SLIT3: variants seen among roughly 807,000 people sequenced by gnomAD.
The protein encoded by SLIT3 is slit guidance ligand 3.
In SLIT3, 68 loss-of-function variants were observed where a neutral mutation model predicts 184.0. The ratio of observed to expected loss-of-function variants is 0.37; its 90% confidence interval spans 0.30 to 0.45. The LOEUF is 0.45. SLIT3 is among the 20% of genes least tolerant of loss of function. The pLI, the probability that SLIT3 is intolerant of heterozygous loss-of-function variation, is 1.00. For synonymous variants in SLIT3, 831 were observed against 828.6 expected (o/e 1.00, Z -0.05); for missense variants, 1,707 against 2,026.0 (o/e 0.84, Z 3.02).
intron 1 of SLIT3, among the ~76,000 whole-genome samples, chr5:169,289,754 A>T (rs1333854882): frequency 6.6e-6 from 1 of 152,244 alleles, no homozygotes; most frequent in Non-Finnish European, 1.5e-5. Flanking sequence ...TTAAGGCAGG[A>T]GCCAGGAGTA....
chr5:169,193,144 T>A (rs1056952700), intron 4 of SLIT3, among the ~76,000 whole-genome samples: 20 of 152,156 alleles, frequency 1.3e-4, no homozygotes, highest in Non-Finnish European at 7.3e-5. Context: ...TGAATAAACC[T>A]ATCTCAAACC....
At chr5:168,937,617 T>A (rs1762201083) in intron 4 of SLIT3, among the ~76,000 whole-genome samples, 2 of 152,114 alleles carry the variant, frequency 1.3e-5, no homozygotes, top group South Asian at 4.1e-4. Flanking sequence ...TGGCATTCTC[T>A]GAGCCTGTGA....
Position 169,300,452 on chromosome 5 carries a change from TG to T in SLIT3, c.197+60del. ...GAGGGGAAAGGACGGATCTGGCGCC[TG>T]GGGCCCCCTCGGTGGGACCCAGGTG... On this transcript the variant is annotated intron_variant, in intron 1 of 35. Coordinates refer to ENST00000519560, the MANE Select transcript of SLIT3 (RefSeq NM_003062.4). The surrounding 1 kb of genome is among the most constrained non-coding windows in gnomAD (Gnocchi z 4.1). The T allele has an allele frequency of 1.4e-6, 2 of 1,390,886 alleles. No individual in the cohort carries two copies. Among genetic ancestry groups the T allele is most frequent in the Non-Finnish European group, 9.3e-7 (1 of 1,074,816 alleles). The allele number at this position is 1,390,886 out of a possible 1,614,324, so 86.2% of individuals were successfully genotyped here.
At chr5:168,952,310 C>T (rs943681230) in intron 4 of SLIT3, among the ~76,000 whole-genome samples, 6 of 152,078 alleles carry the variant, frequency 3.9e-5, no homozygotes, top group African/African-American at 1.4e-4. Context: ...GAAGCAAGGC[C>T]TCGTTCCTCT....
At chr5:169,110,888 A>G (rs78929162) in intron 4 of SLIT3, among the ~76,000 whole-genome samples, 2,522 of 152,200 alleles carry the variant, frequency 0.017, 37 homozygotes, top group East Asian at 0.035. Context: ...CACCCTCTTA[A>G]TGGAAACCTT....
At chr5:169,121,870 G>T (rs961297120) in intron 4 of SLIT3, among the ~76,000 whole-genome samples, 1 of 152,212 alleles carries the variant, frequency 6.6e-6, no homozygotes, top group Non-Finnish European at 1.5e-5. Context: ...TGCAGGAGCT[G>T]CTGTGAATTC....
At chr5:168,976,401 A>C (rs1283573418) in intron 4 of SLIT3, among the ~76,000 whole-genome samples, 3 of 152,238 alleles carry the variant, frequency 2.0e-5, no homozygotes, top group African/African-American at 7.2e-5. Flanking sequence ...GATGCTATGC[A>C]TACCACTGCC....
chr5:169,026,118 G>A (rs1297233699), intron 4 of SLIT3, among the ~76,000 whole-genome samples: 4 of 152,116 alleles, frequency 2.6e-5, no homozygotes, highest in Admixed American at 2.6e-4. Flanking sequence ...TAAGCTCCTG[G>A]GTGTGGTGAC....
chr5:168,993,963 T>A (rs1755419652), intron 4 of SLIT3: 1 of 152,144 alleles, frequency 6.6e-6, no homozygotes, highest in Admixed American at 6.5e-5. Context: ...GCTTCTAGAG[T>A]CAGTGGGAAT....
In SLIT3 at chr5:168,785,947, C is replaced by T. The variant is rs769171098; in HGVS notation, c.1111G>A (p.Val371Ile). 5 of 1,612,658 alleles carry T rather than the reference C, an allele frequency of 3.1e-6. No homozygotes were observed. In the African/African-American group the frequency reaches 4.0e-5, roughly 13 times the overall value. ...ACCAGCCCATCAAACAGTCCCTTGA[C>T]AATCTCGGTGATCTTGTTCCCATAC... is the stretch of plus-strand genomic sequence containing the variant. ...VLYGNKITEIVKGLFDGLVSL... is the reference protein window; with the variant it reads ...VLYGNKITEIIKGLFDGLVSL... Residue 371 changes from valine to isoleucine, a missense_variant, in exon 12 of 36, where the codon GTC becomes ATC. Coordinates refer to ENST00000519560, the MANE Select transcript of SLIT3 (RefSeq NM_003062.4).
Position 168,896,771 on chromosome 5 carries a change from G to T in SLIT3, c.414-13435C>A, listed in dbSNP as rs569767298. Among the ~76,000 whole-genome samples, 6 of 152,320 alleles carry T rather than the reference G, an allele frequency of 3.9e-5. No homozygotes were observed. The South Asian group carries it at 1.2e-3, about 32-fold the overall frequency. ...AGACTCCCACAAAGAGAAGGGAAAA[G>T]AAGGGGGGCCTGAAGGGCGTCGGTG... is the stretch of plus-strand genomic sequence containing the variant. On this transcript the variant is annotated intron_variant, in intron 4 of 35. Coordinates refer to ENST00000519560, the MANE Select transcript of SLIT3 (RefSeq NM_003062.4).
intron 28 of SLIT3, among the ~76,000 whole-genome samples, chr5:168,694,048 C>G (rs574676737): frequency 8.5e-5 from 13 of 152,280 alleles, no homozygotes; most frequent in African/African-American, 3.1e-4. Flanking sequence ...GCTGCTTGAC[C>G]TTGACTTTGG....
At chr5:169,052,563 T>G (rs1483964164) in intron 4 of SLIT3, among the ~76,000 whole-genome samples, 1 of 152,076 alleles carries the variant, frequency 6.6e-6, no homozygotes, top group African/African-American at 2.4e-5. Context: ...TTCCCAACTG[T>G]CAGAAGAACA....
At chr5:169,109,625 C>CCT (rs988951564) in intron 4 of SLIT3, among the ~76,000 whole-genome samples, 4 of 152,066 alleles carry the variant, frequency 2.6e-5, no homozygotes, top group African/African-American at 7.2e-5. Flanking sequence ...CACACTTTTC[C>CCT]CTCTCTCTGG....
chr5:168,724,527 G>T, intron 20 of SLIT3, 43 bp from the exon 21 acceptor site: 1 of 1,549,644 alleles, frequency 6.5e-7, no homozygotes, highest in Non-Finnish European at 8.9e-7. Flanking sequence ...AAGAGACACT[G>T]TACAAATTCT....
At chr5:169,279,146 C>T (rs1377934454) in intron 1 of SLIT3, among the ~76,000 whole-genome samples, 2 of 152,208 alleles carry the variant, frequency 1.3e-5, no homozygotes, top group East Asian at 1.9e-4. Flanking sequence ...ATCAAAGTCC[C>T]GTGAAATAAA....
intron 23 of SLIT3, among the ~76,000 whole-genome samples, chr5:168,716,506 GAC>G (rs1373185636): frequency 6.6e-6 from 1 of 152,250 alleles, no homozygotes; most frequent in Non-Finnish European, 1.5e-5. Context: ...TCACTGTCAT[GAC>G]TCCTCCTCTA....
At chr5:169,226,944 G>A (rs1764833353) in intron 3 of SLIT3, among the ~76,000 whole-genome samples, 1 of 152,202 alleles carries the variant, frequency 6.6e-6, no homozygotes, top group African/African-American at 2.4e-5. Context: ...TAGACTGACA[G>A]TGACTTTGTC....
intron 1 of SLIT3, among the ~76,000 whole-genome samples, chr5:169,276,094 GA>G (rs1268032940): frequency 6.6e-6 from 1 of 152,110 alleles, no homozygotes; most frequent in African/African-American, 2.4e-5. Flanking sequence ...CCTAAACAAA[GA>G]AAGAGAGCAA....
Sources: gnomAD v4.1 joint callset for allele counts (sites outside exome capture counted in the v4.1 genomes callset) on GRCh38, gnomAD v4.1.1 for gene constraint, Gnocchi (gnomAD v3.1) non-coding constraint, MANE v1.5 for transcripts, NCBI Gene and HGNC (gene_info 2026-07-23, HGNC 2026-07-21) for gene names.